The following NCOA2 variants were observed in gnomAD, a reference collection of about 807,000 sequenced individuals.
NCOA2 encodes class E basic helix-loop-helix protein 75.
NCOA2 carries 21 observed loss-of-function variants against 145.1 expected under a neutral mutation model. That is an observed-to-expected ratio of 0.14 (90% confidence interval 0.10 to 0.21). The LOEUF (loss-of-function observed/expected upper bound fraction) is 0.21. Among genes scored for constraint, NCOA2 ranks in the 10% least tolerant of loss-of-function variants. NCOA2 has a pLI of 1.00. For synonymous variants in NCOA2, 619 were observed against 637.5 expected (o/e 0.97, Z 0.44); for missense variants, 1,472 against 1,837.6 (o/e 0.80, Z 3.64).
chr8:70,365,319 G>A (rs560998058), intron 1 of NCOA2, among the ~76,000 whole-genome samples: 49 of 152,228 alleles, frequency 3.2e-4, no homozygotes, highest in African/African-American at 9.6e-4. Flanking sequence ...GCGACAGAGC[G>A]AGACTCCGTC....
intron 2 of NCOA2, 43 bp from the exon 3 acceptor site, chr8:70,216,807 G>A (rs565882458): frequency 3.2e-6 from 4 of 1,243,628 alleles, no homozygotes; most frequent in East Asian, 4.6e-5. Context: ...AATGAAGAGA[G>A]CTGATGATGA....
At chr8:70,378,991 A>G (rs1811934971) in intron 1 of NCOA2, among the ~76,000 whole-genome samples, 2 of 152,296 alleles carry the variant, frequency 1.3e-5, no homozygotes, top group South Asian at 4.1e-4. Context: ...CTGGCTCCTC[A>G]GCCATACCCT....
At chr8:70,298,834 G>A (rs1274964916) in intron 1 of NCOA2, among the ~76,000 whole-genome samples, 1 of 152,174 alleles carries the variant, frequency 6.6e-6, no homozygotes, top group African/African-American at 2.4e-5. Flanking sequence ...GGCTGAGGCG[G>A]GTGGATCATG....
At chr8:70,181,050 G>A (rs1357644940) in intron 4 of NCOA2, among the ~76,000 whole-genome samples, 1 of 152,178 alleles carries the variant, frequency 6.6e-6, no homozygotes, top group Non-Finnish European at 1.5e-5. Flanking sequence ...AATTTTGGTA[G>A]CTTACTTAAT....
chr8:70,128,400 C>T (rs1169229598), intron 18 of NCOA2, 33 bp downstream of exon 18: 3 of 1,579,298 alleles, frequency 1.9e-6, no homozygotes, highest in Non-Finnish European at 2.6e-6. Context: ...TGCATGCATA[C>T]AATGAAAGCT....
At chr8:70,177,233 A>G (rs531037649) in intron 4 of NCOA2, among the ~76,000 whole-genome samples, 18 of 152,336 alleles carry the variant, frequency 1.2e-4, no homozygotes, top group African/African-American at 4.1e-4. Context: ...GGGAACACAC[A>G]GACAGCTTGA....
chr8:70,148,608 A>G lies in NCOA2; in HGVS notation c.2395-125T>C, dbSNP rs184736994. 8 of 759,738 alleles carry G rather than the reference A, an allele frequency of 1.1e-5. No individual in the cohort carries two copies. In the Admixed American group the frequency reaches 1.7e-4, roughly 16 times the overall value. The allele number at this position is 759,738 out of a possible 1,614,324, so 47.1% of individuals were successfully genotyped here. On this transcript the variant is annotated intron_variant, in intron 11 of 22. Coordinates refer to ENST00000452400, the MANE Select transcript of NCOA2 (RefSeq NM_006540.4). ...CCAAATAAAATAGGTAGATTCCTGC[A>G]TACCACAGGCCTAACAGATAATTGA...
At chr8:70,267,911 A>G (rs1824743632) in intron 2 of NCOA2, among the ~76,000 whole-genome samples, 1 of 152,246 alleles carries the variant, frequency 6.6e-6, no homozygotes, top group Non-Finnish European at 1.5e-5. Context: ...AAATATGATC[A>G]AGAAAACTTT....
intron 2 of NCOA2, among the ~76,000 whole-genome samples, chr8:70,231,203 C>T (rs1821099900): frequency 6.6e-6 from 1 of 152,208 alleles, no homozygotes; most frequent in Admixed American, 6.5e-5. Flanking sequence ...TCCCTTCTCA[C>T]AATTCACAAC....
At chr8:70,421,090 A>AG in the NCOA2 span, among the ~76,000 whole-genome samples, 1 of 152,196 alleles carries the variant, frequency 6.6e-6, no homozygotes, top group Non-Finnish European at 1.5e-5. Context: ...TGCTAATAAA[A>AG]GGGCTCTTTG....
intron 1 of NCOA2, among the ~76,000 whole-genome samples, chr8:70,385,675 C>T (rs1483565082): frequency 6.6e-6 from 1 of 152,214 alleles, no homozygotes; most frequent in African/African-American, 2.4e-5. Flanking sequence ...GACCCTTCCA[C>T]CTTGGCCTTC....
chr8:70,232,906 C>G (rs1821261521), intron 2 of NCOA2, among the ~76,000 whole-genome samples: 1 of 149,392 alleles, frequency 6.7e-6, no homozygotes, highest in African/African-American at 2.5e-5. Flanking sequence ...CGTAGATATA[C>G]ATATATATAT....
At chr8:70,215,117 G>GT (rs1336818482) in intron 3 of NCOA2, among the ~76,000 whole-genome samples, 1 of 151,552 alleles carries the variant, frequency 6.6e-6, no homozygotes, top group Non-Finnish European at 1.5e-5. Flanking sequence ...TCAGAATTTG[G>GT]TTTTTTTTCT....
At chr8:70,328,823 A>G (rs1806820685) in intron 1 of NCOA2, among the ~76,000 whole-genome samples, 2 of 152,232 alleles carry the variant, frequency 1.3e-5, no homozygotes, top group African/African-American at 4.8e-5. Context: ...ACAAGTAATG[A>G]GGATGCAGAG....
rs188384461 is a variant in NCOA2, at chr8:70,171,263, C to T, written c.364-884G>A. The stretch of plus-strand genomic sequence containing the variant: ...TGTTCACTGTGCCTTACAAGTACCT[C>T]CTGGAAGGAATCTTTTATCTTTCCC... On this transcript the variant is annotated intron_variant, in intron 5 of 22. Coordinates refer to ENST00000452400, the MANE Select transcript of NCOA2 (RefSeq NM_006540.4). Among the ~76,000 whole-genome samples the T allele has an allele frequency of 7.2e-5, 11 of 152,270 alleles. No homozygotes were observed. The East Asian group carries it at 2.1e-3, about 29-fold the overall frequency.
At chr8:70,187,515 T>C (rs1816207626) in intron 4 of NCOA2, among the ~76,000 whole-genome samples, 1 of 152,154 alleles carries the variant, frequency 6.6e-6, no homozygotes, top group Non-Finnish European at 1.5e-5. Context: ...AATTTTCCAG[T>C]AGATGTTATG....
At chr8:70,306,584 A>G (rs544018659) in intron 1 of NCOA2, among the ~76,000 whole-genome samples, 161 of 152,314 alleles carry the variant, frequency 1.1e-3, no homozygotes, top group Non-Finnish European at 1.8e-3. Flanking sequence ...CCCCTGCTAT[A>G]AATTTTACAT....
At chr8:70,130,563 C>T (rs1808975929) in intron 16 of NCOA2, among the ~76,000 whole-genome samples, 1 of 152,170 alleles carries the variant, frequency 6.6e-6, no homozygotes, top group Non-Finnish European at 1.5e-5. Context: ...CAGGTTATAT[C>T]ATGTAACCTC....
At chr8:70,247,091 C>T (rs1822695990) in intron 2 of NCOA2, among the ~76,000 whole-genome samples, 1 of 152,112 alleles carries the variant, frequency 6.6e-6, no homozygotes, top group Non-Finnish European at 1.5e-5. Context: ...TAATTAACCA[C>T]TCAACATAGA....
Sources: allele counts gnomAD v4.1 joint callset (sites outside exome capture counted in the v4.1 genomes callset), GRCh38; gene constraint gnomAD v4.1.1; transcripts MANE v1.5; gene names NCBI Gene and HGNC (gene_info 2026-07-23, HGNC 2026-07-21).